Variants in TTLL11 observed in about 807,000 individuals in gnomAD.
The protein encoded by TTLL11 is tubulin polyglutamylase TTLL11.
Under a neutral mutation model 51.7 loss-of-function variants are expected in TTLL11, and 42 were observed. The observed-to-expected ratio is 0.81, with a 90% CI of 0.64 to 1.05. The LOEUF (loss-of-function observed/expected upper bound fraction) is 1.05, where lower values mean the gene tolerates loss of function less well. Ranked by LOEUF, TTLL11 falls within the 50% of genes least tolerant of loss-of-function variation. TTLL11 has a pLI of 0.00. For missense variants in TTLL11, 799 were observed against 940.4 expected (o/e 0.85, Z 1.97); for synonymous variants, 381 against 383.5 (o/e 0.99, Z 0.08).
intron 6 of TTLL11, among the ~76,000 whole-genome samples, chr9:121,916,158 T>C (rs1454232710): frequency 6.6e-6 from 1 of 152,144 alleles, no homozygotes; most frequent in Non-Finnish European, 1.5e-5. Context: ...ACACAGGCCA[T>C]AGAAACAATG....
At chr9:121,895,378 GGTT>G (rs1839426033) in intron 6 of TTLL11, among the ~76,000 whole-genome samples, 1 of 151,880 alleles carries the variant, frequency 6.6e-6, no homozygotes, top group Admixed American at 6.6e-5. Context: ...TGTGATGTGC[GGTT>G]GTATGATTGT....
intron 8 of TTLL11, among the ~76,000 whole-genome samples, chr9:121,824,687 T>C (rs571734785): frequency 6.6e-6 from 1 of 152,124 alleles, no homozygotes; most frequent in Non-Finnish European, 1.5e-5. Flanking sequence ...AACCCGGGGA[T>C]CTAAACCTAT....
intron 4 of TTLL11, chr9:121,988,827 G>T: frequency 2.9e-6 from 1 of 343,552 alleles, no homozygotes; most frequent in Non-Finnish European, 5.3e-6. Flanking sequence ...GACAATGTCT[G>T]ACCGCTACTA....
intron 2 of TTLL11, among the ~76,000 whole-genome samples, chr9:122,036,162 T>C: frequency 6.6e-6 from 1 of 152,206 alleles, no homozygotes; most frequent in East Asian, 2.0e-4. Context: ...CCCTAGGCTG[T>C]ATTTTTCTTC....
chr9:122,002,509 T>C (rs923274628), intron 3 of TTLL11, among the ~76,000 whole-genome samples: 2 of 152,090 alleles, frequency 1.3e-5, no homozygotes, highest in African/African-American at 2.4e-5. Flanking sequence ...GGGAAATAAA[T>C]ACAGAGAAAA....
chr9:122,044,044 T>G (rs1359382353), intron 1 of TTLL11, among the ~76,000 whole-genome samples: 3 of 152,130 alleles, frequency 2.0e-5, no homozygotes, highest in Admixed American at 1.3e-4. Flanking sequence ...GTGTGTGATG[T>G]TCCCCTTCCT....
intron 8 of TTLL11, among the ~76,000 whole-genome samples, chr9:121,851,671 A>T (rs1466442695): frequency 6.6e-6 from 1 of 152,178 alleles, no homozygotes; most frequent in Non-Finnish European, 1.5e-5. Flanking sequence ...GTGGCCCCTA[A>T]CCCGTCCCAT....
chr9:121,924,812 T>A (rs183587617), intron 6 of TTLL11, among the ~76,000 whole-genome samples: 21 of 151,902 alleles, frequency 1.4e-4, no homozygotes, highest in Non-Finnish European at 2.9e-4. Flanking sequence ...CCAGCTACTT[T>A]TATCATCTAA....
intron 6 of TTLL11, among the ~76,000 whole-genome samples, chr9:121,913,531 C>T (rs1311040786): frequency 6.6e-6 from 1 of 152,198 alleles, no homozygotes; most frequent in African/African-American, 2.4e-5. Flanking sequence ...TCAGGGAATG[C>T]TGTTTATGTT....
intron 8 of TTLL11, among the ~76,000 whole-genome samples, chr9:121,845,220 C>T (rs1346930979): frequency 6.6e-6 from 1 of 152,022 alleles, no homozygotes; most frequent in Non-Finnish European, 1.5e-5. Flanking sequence ...AGCCATCTCA[C>T]CTAAAACCAT....
At chr9:122,002,489 GA>G (rs1843499605) in intron 3 of TTLL11, among the ~76,000 whole-genome samples, 1 of 152,184 alleles carries the variant, frequency 6.6e-6, no homozygotes, top group African/African-American at 2.4e-5. Flanking sequence ...ATGACTCAAG[GA>G]GAGGAGAAGG....
At chr9:121,988,368 C>T (rs1228283161) in intron 4 of TTLL11, among the ~76,000 whole-genome samples, 1 of 151,760 alleles carries the variant, frequency 6.6e-6, no homozygotes, top group Non-Finnish European at 1.5e-5. Context: ...CCCCCCCGAA[C>T]CAATACCCAG....
At position 121,890,645 on chromosome 9, in the gene TTLL11, T is replaced by G. The variant is rs955683828; in HGVS notation, c.1482-19897A>C. 6.6e-6 allele frequency among the ~76,000 whole-genome samples: 1 copy of G among 152,200 alleles called. No homozygotes were observed. Among genetic ancestry groups the G allele is most frequent in the African/African-American group, 2.4e-5 (1 of 41,444 alleles). Reference sequence around the variant, plus strand: ...TCATTTATTTTGTTTATTTTCCATCTCCTGTCCTCTCATCCTCCACCTCCC... The same window carrying G: ...TCATTTATTTTGTTTATTTTCCATCGCCTGTCCTCTCATCCTCCACCTCCC... On this transcript the variant is annotated intron_variant, in intron 6 of 8. Coordinates refer to ENST00000321582, the MANE Select transcript of TTLL11 (RefSeq NM_001139442.2). The surrounding 1 kb of genome is among the most constrained non-coding windows in gnomAD (Gnocchi z 4.3).
chr9:122,047,376 T>C (rs1371326864), intron 1 of TTLL11, among the ~76,000 whole-genome samples: 3 of 151,816 alleles, frequency 2.0e-5, no homozygotes, highest in Non-Finnish European at 4.4e-5. Flanking sequence ...AGCACAGAGG[T>C]AGGACTGTCA....
At chr9:121,916,807 CA>C (rs1160830070) in intron 6 of TTLL11, among the ~76,000 whole-genome samples, 1 of 152,140 alleles carries the variant, frequency 6.6e-6, no homozygotes, top group East Asian at 1.9e-4. Context: ...ACTTGATCTC[CA>C]GTTAAGATTT....
Position 122,026,148 on chromosome 9 carries a change from C to T in TTLL11, c.693+5575G>A, listed in dbSNP as rs577950354. ...GGAGAGGAGGAAAAGAGGGAAGAAG[C>T]GAAGGAGGGGCTGGGCGTGGTGGCT... is the stretch of plus-strand genomic sequence containing the variant. On this transcript the variant is annotated intron_variant, in intron 3 of 8. Transcript: ENST00000321582. Among the ~76,000 whole-genome samples the T allele has an allele frequency of 8.6e-5, 13 of 151,924 alleles. No individual in the cohort carries two copies. The East Asian group carries it at 2.1e-3, about 25-fold the overall frequency.
Position 121,819,501 on chromosome 9 carries a change from A to G in TTLL11, c.*3086T>C, listed in dbSNP as rs999159081. On this transcript the variant is annotated 3_prime_UTR_variant, in exon 9 of 9. Coordinates refer to ENST00000321582, the MANE Select transcript of TTLL11 (RefSeq NM_001139442.2). ...CTGAGCTTGATCTTCTTACCCGTTC[A>G]TTCCAAGCCCCCGGAGTGCCCAGCT... is the stretch of plus-strand genomic sequence containing the variant. The G allele has an allele frequency of 6.6e-6, 1 of 152,432 alleles. No individual in the cohort carries two copies. The highest frequency in any genetic ancestry group is 2.4e-5 in the African/African-American group (1 of 41,434). The allele number at this position is 152,432 out of a possible 1,614,324, so 9.4% of individuals were successfully genotyped here.
chr9:122,006,881 G>C (rs1015659065), intron 3 of TTLL11, among the ~76,000 whole-genome samples: 8 of 150,038 alleles, frequency 5.3e-5, no homozygotes, highest in African/African-American at 2.0e-4. Flanking sequence ...AGCTACTCTG[G>C]AGGCTGAGGC....
At chr9:121,912,904 CAG>C (rs1307320552) in intron 6 of TTLL11, among the ~76,000 whole-genome samples, 1 of 151,250 alleles carries the variant, frequency 6.6e-6, no homozygotes, top group Non-Finnish European at 1.5e-5. Flanking sequence ...TGGCCAATAT[CAG>C]AGTCAAGAAA....
Sources: allele counts gnomAD v4.1 joint callset (sites outside exome capture counted in the v4.1 genomes callset), GRCh38; gene constraint gnomAD v4.1.1; non-coding constraint Gnocchi (gnomAD v3.1); transcripts MANE v1.5; gene names NCBI Gene and HGNC (gene_info 2026-07-23, HGNC 2026-07-21).